The following IQSEC1 variants were observed in gnomAD, a reference collection of about 807,000 sequenced individuals.
The protein encoded by IQSEC1 is IQ motif and Sec7 domain ArfGEF 1, also known as IQ motif and SEC7 domain-containing protein 1.
In IQSEC1, 31 loss-of-function variants were observed where a neutral mutation model predicts 91.0. The ratio of observed to expected loss-of-function variants is 0.34; its 90% CI spans 0.26 to 0.46. The LOEUF is 0.46. Among genes scored for constraint, IQSEC1 ranks in the 20% least tolerant of loss-of-function variants. IQSEC1 has a pLI of 1.00. For missense variants in IQSEC1, 1,388 were observed against 1,575.6 expected (o/e 0.88, Z 2.02); for synonymous variants, 699 against 662.6 (o/e 1.05, Z -0.84).
chr3:13,008,532 A>T lies in IQSEC1; in HGVS notation c.23+64460T>A, dbSNP rs1702734383. ...TTGCTCTCAGTTCCCCTCCTCAGGG[A>T]GGCCCTCACTGACCACCGCCAAGTC... On this transcript the variant is annotated intron_variant, in intron 1 of 13. Transcript: ENST00000613206. The surrounding 1 kb of genome is among the most constrained non-coding windows in gnomAD (Gnocchi z 4.1). Among the ~76,000 whole-genome samples, 1 of 152,004 alleles carries T rather than the reference A, an allele frequency of 6.6e-6. No individual in the cohort carries two copies. The highest frequency in any genetic ancestry group is 6.6e-5 in the Admixed American group (1 of 15,266).
chr3:13,109,428 C>T (rs1435939685), intron 2 of IQSEC1, among the ~76,000 whole-genome samples: 1 of 152,122 alleles, frequency 6.6e-6, no homozygotes, highest in Non-Finnish European at 1.5e-5. Context: ...TCTGCCACTC[C>T]CCGGGTCCAA....
At chr3:13,000,466 G>C (rs1702376204) in intron 1 of IQSEC1, among the ~76,000 whole-genome samples, 1 of 152,140 alleles carries the variant, frequency 6.6e-6, no homozygotes, top group African/African-American at 2.4e-5. Flanking sequence ...AAATTCTATA[G>C]ATGTTAGCTA....
chr3:13,238,356 G>C (rs967806172), intron 1 of IQSEC1, among the ~76,000 whole-genome samples: 3 of 152,156 alleles, frequency 2.0e-5, no homozygotes, highest in Non-Finnish European at 4.4e-5. Context: ...TGCACCCCAA[G>C]CTCCAGCCCC....
At chr3:13,089,799 G>A (rs917352780) in intron 2 of IQSEC1, among the ~76,000 whole-genome samples, 1 of 152,200 alleles carries the variant, frequency 6.6e-6, no homozygotes, top group African/African-American at 2.4e-5. Context: ...GTATGTGGAC[G>A]GCTGCGAATG....
At chr3:13,107,975 T>A (rs957440648) in intron 2 of IQSEC1, among the ~76,000 whole-genome samples, 1 of 152,236 alleles carries the variant, frequency 6.6e-6, no homozygotes, top group Non-Finnish European at 1.5e-5. Context: ...CAGCCCCGCA[T>A]GCTGCCACTC....
intron 1 of IQSEC1, among the ~76,000 whole-genome samples, chr3:12,978,686 T>C (rs189000166): frequency 2.1e-5 from 3 of 146,132 alleles, no homozygotes; most frequent in South Asian, 2.2e-4. Context: ...ACCTGGGCAA[T>C]AGAGCGAGGC....
At chr3:12,903,947 C>A (rs772706422) in intron 12 of IQSEC1, among the ~76,000 whole-genome samples, 2 of 152,244 alleles carry the variant, frequency 1.3e-5, no homozygotes, top group Non-Finnish European at 2.9e-5. Flanking sequence ...GACCTGCTCA[C>A]CCGACCGCCT....
In IQSEC1 at chr3:12,909,174, C is replaced by T; in HGVS notation, c.2578+99G>A. 1 of 1,293,156 alleles carries T rather than the reference C, an allele frequency of 7.7e-7. No individual in the cohort carries two copies. The highest frequency in any genetic ancestry group is 1.1e-6 in the Non-Finnish European group (1 of 916,194). The allele number at this position is 1,293,156 out of a possible 1,614,324, so 80.1% of individuals were successfully genotyped here. On this transcript the variant is annotated intron_variant, in intron 11 of 13. Coordinates refer to ENST00000613206, the MANE Select transcript of IQSEC1 (RefSeq NM_001134382.3). The surrounding 1 kb of genome is among the most constrained non-coding windows in gnomAD (Gnocchi z 4.9). The stretch of plus-strand genomic sequence containing the variant: ...AAGGCCAGAAAAGACTGGGGGACAT[C>T]TTGTCTCTGTGAGCTCAGAAGTCAC...
intron 9 of IQSEC1, 54 bp downstream of exon 9, chr3:12,913,374 C>A: frequency 6.5e-7 from 1 of 1,529,054 alleles, no homozygotes; most frequent in Non-Finnish European, 8.9e-7. Context: ...AGACATGGAC[C>A]CTGGGCTCAG....
intron 1 of IQSEC1, among the ~76,000 whole-genome samples, chr3:12,989,498 G>A (rs759940800): frequency 4.1e-4 from 63 of 152,318 alleles, no homozygotes; most frequent in Non-Finnish European, 6.5e-4. Context: ...GGGAGGCCTA[G>A]TGACTTGTCC....
intron 1 of IQSEC1, among the ~76,000 whole-genome samples, chr3:13,071,471 T>C (rs1297063111): frequency 6.6e-6 from 1 of 152,132 alleles, no homozygotes; most frequent in East Asian, 1.9e-4. Context: ...GGCATCAGGC[T>C]CCTGGGCCCA....
intron 1 of IQSEC1, among the ~76,000 whole-genome samples, chr3:13,179,188 T>C (rs1186771887): frequency 1.3e-5 from 2 of 152,226 alleles, no homozygotes; most frequent in Admixed American, 6.5e-5. Flanking sequence ...ATAGTCTCAG[T>C]TGTTGGCTCT....
intron 2 of IQSEC1, among the ~76,000 whole-genome samples, chr3:13,099,188 C>A (rs908581753): frequency 3.3e-5 from 5 of 152,132 alleles, no homozygotes; most frequent in African/African-American, 1.2e-4. Context: ...GCCCTGGGGG[C>A]CATAGCCCCT....
intron 2 of IQSEC1, among the ~76,000 whole-genome samples, chr3:13,142,281 G>A (rs540362025): frequency 2.2e-4 from 33 of 152,248 alleles, no homozygotes; most frequent in Non-Finnish European, 4.1e-4. Flanking sequence ...CCCAGAGAGG[G>A]GAAGGGCTTC....
At chr3:12,949,355 G>A (rs1206018344) in intron 1 of IQSEC1, among the ~76,000 whole-genome samples, 1 of 152,244 alleles carries the variant, frequency 6.6e-6, no homozygotes, top group East Asian at 1.9e-4. Flanking sequence ...CTCTTCAGAG[G>A]GGGCCGGGCC....
At chr3:13,087,143 T>C (rs1402890149) in intron 2 of IQSEC1, among the ~76,000 whole-genome samples, 1 of 151,624 alleles carries the variant, frequency 6.6e-6, no homozygotes, top group Non-Finnish European at 1.5e-5. Flanking sequence ...GACAACATTC[T>C]TCCTACAGTC....
At chr3:12,945,351 CA>C (rs1461136830) in intron 1 of IQSEC1, among the ~76,000 whole-genome samples, 1 of 152,028 alleles carries the variant, frequency 6.6e-6, no homozygotes, top group African/African-American at 2.4e-5. Flanking sequence ...CCTCCCTCTC[CA>C]GGAAGGGAAG....
At chr3:13,018,862 G>C (rs114623524) in intron 1 of IQSEC1, among the ~76,000 whole-genome samples, 1 of 152,202 alleles carries the variant, frequency 6.6e-6, no homozygotes, top group Non-Finnish European at 1.5e-5. Flanking sequence ...TCACGTCCAC[G>C]GTAGGAAGGG....
chr3:13,187,953 G>A (rs1040952274), intron 1 of IQSEC1, among the ~76,000 whole-genome samples: 1 of 152,178 alleles, frequency 6.6e-6, no homozygotes, highest in Non-Finnish European at 1.5e-5. Context: ...TCACCCCCCA[G>A]AGGCCCCATT....
Sources: gnomAD v4.1 joint callset for allele counts (sites outside exome capture counted in the v4.1 genomes callset) on GRCh38, gnomAD v4.1.1 for gene constraint, Gnocchi (gnomAD v3.1) non-coding constraint, MANE v1.5 for transcripts, NCBI Gene and HGNC (gene_info 2026-07-23, HGNC 2026-07-21) for gene names.